The following MTUS2 variants were observed in gnomAD, a reference collection of about 807,000 sequenced individuals.
MTUS2 encodes the protein microtubule associated scaffold protein 2.
In MTUS2, 40 loss-of-function variants were observed where a neutral mutation model predicts 114.1. The observed-to-expected ratio is 0.35, with a 90% CI of 0.27 to 0.46. The LOEUF (loss-of-function observed/expected upper bound fraction) is 0.46. MTUS2 is among the 20% of genes least tolerant of loss of function. The pLI is 1.00. For missense variants in MTUS2, 1,679 were observed against 1,705.4 expected, an observed-to-expected ratio of 0.98 and a Z score of 0.27; for synonymous variants, 688 against 672.0, an observed-to-expected ratio of 1.02 and a Z score of -0.37.
intron 1 of MTUS2, among the ~76,000 whole-genome samples, chr13:28,830,505 A>C (rs889027913): frequency 0.016 from 1 of 62 alleles, no homozygotes; most frequent in African/African-American, 0.083. Context: ...ACAATGATTG[A>C]AATGAAAAAA....
intron 2 of MTUS2, among the ~76,000 whole-genome samples, chr13:28,917,359 T>C (rs1309182987): frequency 6.6e-6 from 1 of 151,926 alleles, no homozygotes; most frequent in Non-Finnish European, 1.5e-5. Context: ...CTTTAAATGT[T>C]TGATAGAAGT....
intron 9 of MTUS2, among the ~76,000 whole-genome samples, chr13:29,458,493 C>A (rs952378809): frequency 6.6e-6 from 1 of 151,898 alleles, no homozygotes; most frequent in Non-Finnish European, 1.5e-5. Flanking sequence ...AAGATTGTAA[C>A]AGAAAATGAG....
intron 5 of MTUS2, among the ~76,000 whole-genome samples, chr13:29,167,102 C>T (rs551057265): frequency 3.7e-4 from 57 of 152,258 alleles, no homozygotes; most frequent in African/African-American, 1.2e-3. Context: ...TGGCTGGGCA[C>T]GGTGGCTCAC....
intron 2 of MTUS2, among the ~76,000 whole-genome samples, chr13:29,012,599 C>T (rs557168644): frequency 2.0e-5 from 3 of 151,792 alleles, no homozygotes; most frequent in South Asian, 2.1e-4. Context: ...CCAGCCCGGG[C>T]GGGGTGGCCC....
intron 4 of MTUS2, among the ~76,000 whole-genome samples, chr13:29,090,434 A>C (rs761948186): frequency 6.6e-6 from 1 of 152,020 alleles, no homozygotes; most frequent in Non-Finnish European, 1.5e-5. Flanking sequence ...GCTGCAGGAG[A>C]GTACACTGTA....
intron 4 of MTUS2, among the ~76,000 whole-genome samples, chr13:29,094,344 AT>A (rs34314860): frequency 0.68 from 102,055 of 150,316 alleles, 35,163 homozygotes; most frequent in Non-Finnish European, 0.74. Flanking sequence ...CTTTGTGGGA[AT>A]TTTTTTTTTT....
At chr13:28,868,257 T>G (rs1399181619) in intron 2 of MTUS2, among the ~76,000 whole-genome samples, 1 of 152,202 alleles carries the variant, frequency 6.6e-6, no homozygotes, top group African/African-American at 2.4e-5. Context: ...AGTGTTATTC[T>G]TCGTGATAGG....
chr13:29,332,980 C>G (rs1330139006), intron 7 of MTUS2, among the ~76,000 whole-genome samples: 1 of 151,912 alleles, frequency 6.6e-6, no homozygotes, highest in Non-Finnish European at 1.5e-5. Context: ...GATTTTAGAT[C>G]TTTCCCGCTT....
intron 5 of MTUS2, among the ~76,000 whole-genome samples, chr13:29,145,294 G>T (rs1337772550): frequency 6.6e-6 from 1 of 152,080 alleles, no homozygotes; most frequent in Non-Finnish European, 1.5e-5. Flanking sequence ...GGCTGAGGTG[G>T]GTGGATCACG....
At chr13:29,309,568 A>C (rs967782411) in intron 6 of MTUS2, among the ~76,000 whole-genome samples, 1 of 152,298 alleles carries the variant, frequency 6.6e-6, no homozygotes, top group Non-Finnish European at 1.5e-5. Context: ...CATCCTGCAC[A>C]TGTACTCCTG....
At chr13:29,256,580 T>C (rs528569435) in intron 5 of MTUS2, among the ~76,000 whole-genome samples, 5 of 152,392 alleles carry the variant, frequency 3.3e-5, no homozygotes, top group African/African-American at 1.2e-4. Context: ...TAGCTGGCAC[T>C]GAGGTCATTG....
intron 5 of MTUS2, among the ~76,000 whole-genome samples, chr13:29,138,739 G>C (rs1394644070): frequency 6.6e-6 from 1 of 151,294 alleles, no homozygotes; most frequent in East Asian, 1.9e-4. Flanking sequence ...TTTTCTTAAA[G>C]CTTTTTTTTT....
intron 5 of MTUS2, among the ~76,000 whole-genome samples, chr13:29,178,043 G>A (rs1472016775): frequency 2.0e-5 from 3 of 152,134 alleles, no homozygotes; most frequent in African/African-American, 7.2e-5. Flanking sequence ...CTGCATTGTT[G>A]TCTGCAGTGC....
Position 29,359,367 on chromosome 13 carries a change from G to C in MTUS2, c.3011G>C (p.Arg1004Pro). The C allele has an allele frequency of 6.2e-7, 1 of 1,613,020 alleles. No individual in the cohort carries two copies. Among genetic ancestry groups the C allele is most frequent in the Non-Finnish European group, 8.5e-7 (1 of 1,179,596 alleles). ...ERQLVLRLKE[R>P]CEQQTRQLGV... Reference sequence around the variant, plus strand: ...CAGCTGGTGCTGCGGCTGAAGGAGCGGTGTGAGCAGCAGACCAGACAGCTG... The same window carrying C: ...CAGCTGGTGCTGCGGCTGAAGGAGCCGTGTGAGCAGCAGACCAGACAGCTG... Residue 1004 changes from arginine (R) to proline (P), a missense_variant, in exon 8 of 16, where the codon CGG (arginine) becomes CCG (proline). Around this residue, in one of 3 missense-constraint regions of MTUS2, gnomAD observed 822 missense variants for 899.7 expected, o/e 0.91. Coordinates refer to ENST00000612955, the MANE Select transcript of MTUS2 (RefSeq NM_001033602.4).
intron 4 of MTUS2, among the ~76,000 whole-genome samples, chr13:29,070,732 C>T (rs1888881243): frequency 6.6e-6 from 1 of 152,106 alleles, no homozygotes; most frequent in Non-Finnish European, 1.5e-5. Flanking sequence ...TCTGGGCAAT[C>T]ATCTTGTGTT....
At chr13:29,014,772 C>T (rs969105904) in intron 2 of MTUS2, among the ~76,000 whole-genome samples, 1 of 152,180 alleles carries the variant, frequency 6.6e-6, no homozygotes, top group Non-Finnish European at 1.5e-5. Flanking sequence ...TTAAGGCTGC[C>T]AGTGGGGATT....
chr13:28,977,661 A>G (rs1884177315), intron 2 of MTUS2, among the ~76,000 whole-genome samples: 1 of 152,176 alleles, frequency 6.6e-6, no homozygotes, highest in South Asian at 2.1e-4. Flanking sequence ...TCAGGTGGAG[A>G]TGAAAGCCTT....
intron 9 of MTUS2, among the ~76,000 whole-genome samples, chr13:29,472,868 A>G (rs2388084): frequency 0.8 from 121,851 of 152,152 alleles, 51,472 homozygotes; most frequent in Non-Finnish European, 0.92. Context: ...AAGAATTCAC[A>G]CCACTGAAAT....
rs1483637813 is a variant in MTUS2, at chr13:29,389,439, ATG to A, written c.3117+29970_3117+29971del. On this transcript the variant is annotated intron_variant, in intron 8 of 15. Coordinates refer to ENST00000612955, the MANE Select transcript of MTUS2 (RefSeq NM_001033602.4). Reference sequence around the variant, plus strand: ...TGTGTGTATGTATACACGTGTGTGTATGTGTATGTATACACGTGTGTGTATGT... The same window carrying A: ...TGTGTGTATGTATACACGTGTGTGTATGTATGTATACACGTGTGTGTATGT... Among the ~76,000 whole-genome samples the A allele has an allele frequency of 8.9e-4, 71 of 79,368 alleles. 1 individual carries two copies. Among genetic ancestry groups the A allele is most frequent in the South Asian group, 2.3e-3 (5 of 2,146 alleles). The allele number at this position is 79,368 out of a possible 152,430, so 52.1% of individuals were successfully genotyped here.
Sources: gnomAD v4.1 joint callset for allele counts (sites outside exome capture counted in the v4.1 genomes callset) on GRCh38, gnomAD v4.1.1 for gene constraint, gnomAD v4.1.1 regional missense constraint, MANE v1.5 for transcripts, NCBI Gene and HGNC (gene_info 2026-07-23, HGNC 2026-07-21) for gene names.